The following LEF1 variants were observed in gnomAD, a reference collection of about 807,000 sequenced individuals.
LEF1 encodes the protein lymphoid enhancer-binding factor 1.
LEF1 carries 14 observed loss-of-function variants against 51.2 expected under a neutral mutation model. That is an observed-to-expected ratio of 0.27 (90% CI 0.18 to 0.43). LEF1 has a LOEUF of 0.43. Ranked by LOEUF, LEF1 falls within the 20% of genes least tolerant of loss-of-function variation. The pLI is 1.00. For missense variants in LEF1, 386 were observed against 512.0 expected (o/e 0.75, Z 2.37); for synonymous variants, 185 against 183.2 (o/e 1.01, Z -0.08).
intron 11 of LEF1, among the ~76,000 whole-genome samples, chr4:108,053,415 T>A (rs149006521): frequency 2.7e-4 from 41 of 152,260 alleles, no homozygotes; most frequent in African/African-American, 9.4e-4. Flanking sequence ...AGTTAGTTAA[T>A]CCCCTAACCA....
At chr4:108,082,223 T>G (rs186001714) in intron 5 of LEF1, among the ~76,000 whole-genome samples, 4 of 152,354 alleles carry the variant, frequency 2.6e-5, no homozygotes, top group Admixed American at 2.6e-4. Context: ...GAAGTCCATT[T>G]TTTCCCTCTG....
intron 11 of LEF1, among the ~76,000 whole-genome samples, chr4:108,050,106 AAACC>A (rs1736883676): frequency 6.6e-6 from 1 of 152,212 alleles, no homozygotes; most frequent in Non-Finnish European, 1.5e-5. Flanking sequence ...GAAAAAGCAA[AAACC>A]AACCAACCAA....
At chr4:108,051,581 G>A (rs1736993272) in intron 11 of LEF1, among the ~76,000 whole-genome samples, 1 of 152,174 alleles carries the variant, frequency 6.6e-6, no homozygotes, top group South Asian at 2.1e-4. Context: ...ATCAAAGCCA[G>A]CAATTACTGC....
intron 3 of LEF1, among the ~76,000 whole-genome samples, chr4:108,106,376 A>G (rs1286868477): frequency 6.6e-6 from 1 of 152,184 alleles, no homozygotes; most frequent in Non-Finnish European, 1.5e-5. Context: ...AGGGAAGAAG[A>G]CAGTAACAGC....
chr4:108,079,715 A>G (rs1739158288), intron 6 of LEF1, 101 bp from the exon 7 acceptor site: 3 of 1,167,564 alleles, frequency 2.6e-6, no homozygotes, highest in Admixed American at 3.9e-5. Flanking sequence ...GGCTAAGAGT[A>G]AAAACACATC....
chr4:108,057,550 C>T (rs1737388866), intron 11 of LEF1, among the ~76,000 whole-genome samples: 1 of 152,136 alleles, frequency 6.6e-6, no homozygotes, highest in Admixed American at 6.5e-5. Context: ...ACACCAGGCA[C>T]AGCTCCTGGC....
chr4:108,110,749 A>G (rs1275701942), intron 3 of LEF1, among the ~76,000 whole-genome samples: 2 of 152,202 alleles, frequency 1.3e-5, no homozygotes, highest in East Asian at 3.8e-4. Context: ...CAGCTGTAAA[A>G]TGAAGATAAT....
intron 3 of LEF1, among the ~76,000 whole-genome samples, chr4:108,122,117 T>G (rs1346920722): frequency 1.3e-5 from 2 of 152,160 alleles, no homozygotes; most frequent in Non-Finnish European, 2.9e-5. Context: ...TCTTAATGGT[T>G]GTTCAAATCT....
chr4:108,063,514 C>A, intron 11 of LEF1, 109 bp downstream of exon 11: 1 of 850,172 alleles, frequency 1.2e-6, no homozygotes. Context: ...GAGTTCTCCT[C>A]TTTAAGGAGC....
chr4:108,153,787 A>G (rs1461327075), intron 3 of LEF1, among the ~76,000 whole-genome samples: 1 of 152,242 alleles, frequency 6.6e-6, no homozygotes, highest in African/African-American at 2.4e-5. Context: ...CCAATAAAAT[A>G]CTGGTTAAAT....
rs549926567 is a variant in LEF1 at position 108,166,882 on chromosome 4, C to T, written c.213+673G>A. 3.0e-3 allele frequency: 2,758 copies of T among 905,912 alleles called. 7 individuals carry two copies. Among genetic ancestry groups the T allele is most frequent in the Middle Eastern group, 6.2e-3 (11 of 1,768 alleles). 56.1% of individuals were successfully genotyped at this position (905,912 alleles called of 1,614,324 possible). A position where few individuals can be genotyped will look rare whatever the true frequency, so the allele number is the denominator to read the frequency against. On this transcript the variant is annotated intron_variant, in intron 1 of 11. Transcript: ENST00000265165. ...GCCAGGGTGTACCCTTGCGGTGGGT[C>T]GGCTCGGCGCACCCACAGCTCCCAG...
At position 108,048,542 on chromosome 4, in the gene LEF1, C is replaced by A; in HGVS notation, c.*216G>T. On this transcript the variant is annotated 3_prime_UTR_variant, in exon 12 of 12. Coordinates refer to ENST00000265165, the MANE Select transcript of LEF1 (RefSeq NM_016269.5). ...GCTTTATTTTGGAACTTGGCTCTTG[C>A]AGTAGACGAAAGAGGGGTTGGCAGT... The A allele has an allele frequency of 2.1e-6, 1 of 486,670 alleles. No homozygotes were observed. The highest frequency in any genetic ancestry group is 3.6e-6 in the Non-Finnish European group (1 of 279,844). The allele number at this position is 486,670 out of a possible 1,614,324, so 30.1% of individuals were successfully genotyped here. A position where few individuals can be genotyped will look rare whatever the true frequency, so the allele number is the denominator to read the frequency against.
At chr4:108,056,781 C>T (rs1251907702) in intron 11 of LEF1, among the ~76,000 whole-genome samples, 6 of 152,104 alleles carry the variant, frequency 3.9e-5, no homozygotes, top group African/African-American at 1.2e-4. Context: ...ACAACCTCCA[C>T]CTCCTATGCA....
At chr4:108,097,954 C>T (rs1318954578) in intron 3 of LEF1, among the ~76,000 whole-genome samples, 1 of 152,112 alleles carries the variant, frequency 6.6e-6, no homozygotes, top group African/African-American at 2.4e-5. Flanking sequence ...ATCCAGAGAG[C>T]TCAGACCGGA....
At chr4:108,073,255 C>T (rs892749336) in intron 8 of LEF1, among the ~76,000 whole-genome samples, 5 of 152,156 alleles carry the variant, frequency 3.3e-5, no homozygotes, top group East Asian at 1.9e-4. Flanking sequence ...CGTAGCAGTG[C>T]ATGCCTGTAA....
In LEF1 at chr4:108,066,274, G is replaced by A. The variant is rs146062694; in HGVS notation, c.1117-1890C>T. 2.3e-4 allele frequency among the ~76,000 whole-genome samples: 35 copies of A among 152,298 alleles called. No individual in the cohort carries two copies. In the East Asian group the frequency reaches 5.6e-3, roughly 24 times the overall value. ...AATGTAATTACTGCAAGGTTCAGAA[G>A]TTGCTACAAGGTTGTTTCATGTGTC... is the stretch of plus-strand genomic sequence containing the variant. On this transcript the variant is annotated intron_variant, in intron 9 of 11. Coordinates refer to ENST00000265165, the MANE Select transcript of LEF1 (RefSeq NM_016269.5).
chr4:108,154,495 A>G (rs1007978952), intron 3 of LEF1, among the ~76,000 whole-genome samples: 11 of 151,182 alleles, frequency 7.3e-5, no homozygotes, highest in Admixed American at 1.3e-4. Context: ...TTTTCAAGCA[A>G]AAAAAAACCA....
At chr4:108,097,292 G>A (rs944815515) in intron 3 of LEF1, among the ~76,000 whole-genome samples, 1 of 152,142 alleles carries the variant, frequency 6.6e-6, no homozygotes, top group African/African-American at 2.4e-5. Context: ...GCAACAACAT[G>A]GATGGAACTG....
chr4:108,149,432 C>A (rs1394458833), intron 3 of LEF1, among the ~76,000 whole-genome samples: 3 of 118,302 alleles, frequency 2.5e-5, no homozygotes, highest in Non-Finnish European at 4.9e-5. Context: ...GCACTCCAGC[C>A]TGGGCGACAG....
Sources: gnomAD v4.1 joint callset for allele counts (sites outside exome capture counted in the v4.1 genomes callset) on GRCh38, gnomAD v4.1.1 for gene constraint, MANE v1.5 for transcripts, NCBI Gene and HGNC (gene_info 2026-07-23, HGNC 2026-07-21) for gene names.